The following MYO6 variants were observed in gnomAD, a reference collection of about 807,000 sequenced individuals.
MYO6 encodes unconventional myosin-VI.
MYO6 carries 74 observed loss-of-function variants against 178.7 expected under a neutral mutation model. The observed-to-expected ratio is 0.41, with a 90% CI of 0.34 to 0.50. The LOEUF (loss-of-function observed/expected upper bound fraction) is 0.50. Ranked by LOEUF, MYO6 falls within the 20% of genes least tolerant of loss-of-function variation. MYO6 has a pLI of 0.09. For synonymous variants in MYO6, 477 were observed against 504.6 expected (o/e 0.95, Z 0.73); for missense variants, 1,330 against 1,547.4 (o/e 0.86, Z 2.36).
At chr6:75,875,130 A>G (rs377674839) in intron 20 of MYO6, among the ~76,000 whole-genome samples, 1 of 152,284 alleles carries the variant, frequency 6.6e-6, no homozygotes. Context: ...ATTCTATGTC[A>G]GTACTGTCCA....
At chr6:75,833,272 C>T (rs1189984068) in intron 6 of MYO6, among the ~76,000 whole-genome samples, 2 of 152,202 alleles carry the variant, frequency 1.3e-5, no homozygotes, top group African/African-American at 4.8e-5. Flanking sequence ...GGATTATAGG[C>T]ATGAACCACC....
At chr6:75,773,132 A>G (rs975584813) in intron 1 of MYO6, among the ~76,000 whole-genome samples, 3 of 152,206 alleles carry the variant, frequency 2.0e-5, no homozygotes, top group African/African-American at 7.2e-5. Flanking sequence ...TGAGAATGAA[A>G]CAGATTCTTC....
intron 1 of MYO6, among the ~76,000 whole-genome samples, chr6:75,792,334 A>T (rs967203818): frequency 6.6e-6 from 1 of 152,232 alleles, no homozygotes; most frequent in African/African-American, 2.4e-5. Context: ...AGAAGGGGTT[A>T]TCAGTATCTT....
intron 1 of MYO6, among the ~76,000 whole-genome samples, chr6:75,771,454 C>G (rs906933132): frequency 6.6e-6 from 1 of 152,104 alleles, no homozygotes; most frequent in Non-Finnish European, 1.5e-5. Flanking sequence ...TGTAGTTGTT[C>G]CTCATCAAAA....
At chr6:75,844,843 A>G (rs956076528) in intron 9 of MYO6, 54 bp from the exon 10 acceptor site, 9 of 1,421,060 alleles carry the variant, frequency 6.3e-6, no homozygotes, top group African/African-American at 1.4e-5. Context: ...TTTCTCCTGT[A>G]TTATTTCCCT....
chr6:75,856,115 T>C (rs535826039), intron 12 of MYO6, among the ~76,000 whole-genome samples: 16 of 152,340 alleles, frequency 1.1e-4, no homozygotes, highest in Non-Finnish European at 2.4e-4. Flanking sequence ...AAAGAAAAAC[T>C]CTGGAAGAAG....
chr6:75,870,808 T>A (rs1327618143), intron 19 of MYO6, 123 bp downstream of exon 19: 1 of 741,216 alleles, frequency 1.3e-6, no homozygotes, highest in African/African-American at 1.8e-5. Flanking sequence ...TATTCTCTTA[T>A]TTTAAAAAAT....
intron 9 of MYO6, among the ~76,000 whole-genome samples, chr6:75,842,919 A>G (rs1774374350): frequency 2.0e-5 from 3 of 152,172 alleles, no homozygotes; most frequent in Admixed American, 6.5e-5. Flanking sequence ...AGCTATTGAA[A>G]TATATCTGGT....
chr6:75,870,382 T>A (rs1777047845), intron 18 of MYO6, among the ~76,000 whole-genome samples: 1 of 152,228 alleles, frequency 6.6e-6, no homozygotes, highest in South Asian at 2.1e-4. Context: ...TCTGCAAATA[T>A]GTGTGTATGT....
At chr6:75,760,307 T>G (rs1397465963) in intron 1 of MYO6, among the ~76,000 whole-genome samples, 1 of 152,162 alleles carries the variant, frequency 6.6e-6, no homozygotes, top group Admixed American at 6.6e-5. Flanking sequence ...ATAGATTCCT[T>G]AGGGGTTACT....
intron 1 of MYO6, among the ~76,000 whole-genome samples, chr6:75,756,908 T>TAC (rs201409036): frequency 6.3e-5 from 6 of 94,956 alleles, no homozygotes; most frequent in South Asian, 3.5e-4. Flanking sequence ...TATATATATA[T>TAC]ATACACATAT....
chr6:75,834,920 T>C (rs1318857316), intron 6 of MYO6, among the ~76,000 whole-genome samples: 3 of 152,228 alleles, frequency 2.0e-5, no homozygotes, highest in Non-Finnish European at 4.4e-5. Flanking sequence ...TATGTAATAG[T>C]CTATATGAGT....
intron 20 of MYO6, among the ~76,000 whole-genome samples, chr6:75,878,498 C>G (rs994151884): frequency 3.3e-5 from 5 of 152,188 alleles, no homozygotes; most frequent in Non-Finnish European, 1.5e-5. Flanking sequence ...GTGTGTTTTC[C>G]TACACTGTCA....
chr6:75,794,898 A>G (rs1247169870), intron 1 of MYO6, among the ~76,000 whole-genome samples: 1 of 152,194 alleles, frequency 6.6e-6, no homozygotes, highest in African/African-American at 2.4e-5. Context: ...CTGAAGAAAA[A>G]AAGGCTTAAG....
chr6:75,886,044 A>G lies in MYO6; in HGVS notation c.2457A>G (p.Lys819=). 6.2e-7 allele frequency: 1 copy of G among 1,612,654 alleles called. No homozygotes were observed. The highest frequency in any genetic ancestry group is 1.3e-5 in the African/African-American group (1 of 75,030). The change falls in exon 24 of 35, where the codon AAA becomes AAG. Residue 819 remains lysine (K), a synonymous_variant. Coordinates refer to ENST00000369977, the MANE Select transcript of MYO6 (RefSeq NM_004999.4). ...KIKYRAEACI[K]MQKTIRMWLC... ...AATATCGAGCTGAAGCCTGCATTAA[A>G]ATGCAAAAAACTATTCGAATGTGGC...
chr6:75,766,284 T>C (rs371714294), intron 1 of MYO6, among the ~76,000 whole-genome samples: 1 of 152,010 alleles, frequency 6.6e-6, no homozygotes, highest in Non-Finnish European at 1.5e-5. Context: ...GACCACACCA[T>C]TGTGCTCCAG....
chr6:75,911,653 A>G lies in MYO6; in HGVS notation c.3413-19A>G, dbSNP rs1378282339. The G allele has an allele frequency of 3.1e-6, 5 of 1,607,184 alleles. No individual in the cohort carries two copies. Among genetic ancestry groups the G allele is most frequent in the East Asian group, 2.2e-5 (1 of 44,712 alleles). Reference sequence around the variant, plus strand: ...TTGGCATTTTTATCTTTTCTTCAACATAAAATATTTGTTCACAGATTTTGC... The same window carrying G: ...TTGGCATTTTTATCTTTTCTTCAACGTAAAATATTTGTTCACAGATTTTGC... On this transcript the variant is annotated intron_variant, in intron 32 of 34. Transcript: ENST00000369977.
rs754541064 is a variant in MYO6, at chr6:75,824,787, T to A, written c.187+1936T>A. 4.3e-4 allele frequency among the ~76,000 whole-genome samples: 65 copies of A among 149,562 alleles called. 1 individual carries two copies. The highest frequency in any genetic ancestry group is 6.9e-3 in the Middle Eastern group (2 of 288). On this transcript the variant is annotated intron_variant, in intron 3 of 34. Coordinates refer to ENST00000369977, the MANE Select transcript of MYO6 (RefSeq NM_004999.4). ...ATTTTTTTTTTTTTTTTTGAGACAG[T>A]CTCGCTCTGTCACCCAGACTGGAGT...
intron 1 of MYO6, among the ~76,000 whole-genome samples, chr6:75,770,148 A>C (rs1046444690): frequency 1.8e-4 from 27 of 152,028 alleles, no homozygotes; most frequent in Non-Finnish European, 3.7e-4. Context: ...TCACCATGTA[A>C]CACCACCCAC....
Sources: gnomAD v4.1 joint callset for allele counts (sites outside exome capture counted in the v4.1 genomes callset) on GRCh38, gnomAD v4.1.1 for gene constraint, MANE v1.5 for transcripts, NCBI Gene and HGNC (gene_info 2026-07-23, HGNC 2026-07-21) for gene names.